The following SH3GL2 variants were observed in gnomAD, a reference collection of about 807,000 sequenced individuals.
The protein encoded by SH3GL2 is endophilin-A1.
Under a neutral mutation model 46.0 loss-of-function variants are expected in SH3GL2, and 24 were observed. That is an observed-to-expected ratio of 0.52 (90% CI 0.38 to 0.73). The LOEUF (loss-of-function observed/expected upper bound fraction) is 0.73. SH3GL2 is among the 30% of genes least tolerant of loss of function. SH3GL2 has a pLI of 0.00. For missense variants in SH3GL2, 413 were observed against 424.2 expected, an observed-to-expected ratio of 0.97 and a Z score of 0.23; for synonymous variants, 196 against 147.1, an observed-to-expected ratio of 1.33 and a Z score of -2.40.
At chr9:17,681,545 A>T (rs148082378) in intron 1 of SH3GL2, among the ~76,000 whole-genome samples, 208 of 152,314 alleles carry the variant, frequency 1.4e-3, no homozygotes, top group African/African-American at 4.7e-3. Context: ...CTTATACAAA[A>T]GTTAACTCAA....
chr9:17,786,133 A>G (rs1315674797), intron 3 of SH3GL2, among the ~76,000 whole-genome samples: 1 of 152,144 alleles, frequency 6.6e-6, no homozygotes, highest in African/African-American at 2.4e-5. Context: ...TGAGCGTGTA[A>G]TCCTGCTTCA....
At chr9:17,788,627 G>C (rs907133102) in intron 5 of SH3GL2, among the ~76,000 whole-genome samples, 7 of 152,260 alleles carry the variant, frequency 4.6e-5, no homozygotes, top group African/African-American at 1.7e-4. Context: ...GATGGGTGGA[G>C]CCTGGGCAGC....
At chr9:17,785,719 A>C (rs529977605) in intron 3 of SH3GL2, among the ~76,000 whole-genome samples, 1 of 148,962 alleles carries the variant, frequency 6.7e-6, no homozygotes, top group South Asian at 2.1e-4. Flanking sequence ...AAAAACAAAG[A>C]AAGAGAAATT....
At chr9:17,716,899 T>C (rs1445824413) in intron 1 of SH3GL2, among the ~76,000 whole-genome samples, 2 of 152,142 alleles carry the variant, frequency 1.3e-5, no homozygotes, top group African/African-American at 4.8e-5. Context: ...TTCTTGACAC[T>C]CATTCTTAAA....
chr9:17,666,012 A>G (rs769860608), intron 1 of SH3GL2, among the ~76,000 whole-genome samples: 1 of 151,346 alleles, frequency 6.6e-6, no homozygotes, highest in East Asian at 1.9e-4. Context: ...CCTAAGAAAC[A>G]TGGCTTTATT....
chr9:17,588,589 G>A (rs377057021), intron 1 of SH3GL2, among the ~76,000 whole-genome samples: 5 of 152,080 alleles, frequency 3.3e-5, no homozygotes, highest in African/African-American at 7.2e-5. Context: ...CAGCTCTTTG[G>A]TGACCATCAG....
At chr9:17,755,263 G>T (rs1387204461) in intron 2 of SH3GL2, among the ~76,000 whole-genome samples, 1 of 151,994 alleles carries the variant, frequency 6.6e-6, no homozygotes, top group Non-Finnish European at 1.5e-5. Flanking sequence ...TTCTTCTTTA[G>T]TTCTGTTTAT....
chr9:17,651,540 A>G (rs1819959894), intron 1 of SH3GL2, among the ~76,000 whole-genome samples: 1 of 152,052 alleles, frequency 6.6e-6, no homozygotes, highest in Non-Finnish European at 1.5e-5. Flanking sequence ...TATTGGTTTT[A>G]TATTTGACAG....
At chr9:17,650,219 T>G (rs1288891435) in intron 1 of SH3GL2, among the ~76,000 whole-genome samples, 1 of 152,212 alleles carries the variant, frequency 6.6e-6, no homozygotes, top group Non-Finnish European at 1.5e-5. Flanking sequence ...ATGTGAGTAT[T>G]GTCAGGATTT....
rs1818223420 is a variant in SH3GL2, at chr9:17,579,169, G to A, written c.-74G>A. 5 of 1,142,564 alleles carry A rather than the reference G, an allele frequency of 4.4e-6. No homozygotes were observed. Among genetic ancestry groups the A allele is most frequent in the Admixed American group, 2.8e-5 (1 of 35,964 alleles). The allele number at this position is 1,142,564 out of a possible 1,614,324, so 70.8% of individuals were successfully genotyped here. A position where few individuals can be genotyped will look rare whatever the true frequency, so the allele number is the denominator to read the frequency against. ...CCAGAGGCGGCCAGGGGAGCGCGCCGCCCCGCTCGGCCCTCCAGTCCCCCT... is the reference window on the plus strand; with the variant it reads ...CCAGAGGCGGCCAGGGGAGCGCGCCACCCCGCTCGGCCCTCCAGTCCCCCT... On this transcript the variant is annotated 5_prime_UTR_variant, in exon 1 of 9. Transcript: ENST00000380607.
intron 3 of SH3GL2, among the ~76,000 whole-genome samples, chr9:17,767,764 A>T (rs760381690): frequency 3.3e-5 from 5 of 152,194 alleles, no homozygotes; most frequent in Non-Finnish European, 5.9e-5. Flanking sequence ...AAAATGCATA[A>T]AGGACAGATT....
chr9:17,756,357 G>A (rs1239237347), intron 2 of SH3GL2, among the ~76,000 whole-genome samples: 1 of 151,660 alleles, frequency 6.6e-6, no homozygotes, highest in Non-Finnish European at 1.5e-5. Context: ...TCTAGAGTAT[G>A]TGTACATGTG....
chr9:17,746,453 C>T (rs1215381672), intron 1 of SH3GL2, among the ~76,000 whole-genome samples: 1 of 152,144 alleles, frequency 6.6e-6, no homozygotes, highest in African/African-American at 2.4e-5. Flanking sequence ...TAAAATGTAT[C>T]ATAATGGAAA....
chr9:17,654,560 G>C (rs1820026860), intron 1 of SH3GL2, among the ~76,000 whole-genome samples: 1 of 152,036 alleles, frequency 6.6e-6, no homozygotes, highest in South Asian at 2.1e-4. Context: ...CGTAGATTAG[G>C]GCTTGGAATG....
intron 1 of SH3GL2, among the ~76,000 whole-genome samples, chr9:17,729,685 C>A (rs1822119540): frequency 6.6e-6 from 1 of 152,128 alleles, no homozygotes; most frequent in African/African-American, 2.4e-5. Context: ...ATATGGGTAG[C>A]CAGTTTTCCC....
intron 1 of SH3GL2, chr9:17,735,613 AG>A (rs1822311877): frequency 1.2e-5 from 2 of 167,858 alleles, no homozygotes; most frequent in South Asian, 3.9e-4. Flanking sequence ...TGGGTTCTAC[AG>A]GGCCAACTGA....
At chr9:17,625,997 T>G (rs544368557) in intron 1 of SH3GL2, among the ~76,000 whole-genome samples, 36 of 152,342 alleles carry the variant, frequency 2.4e-4, no homozygotes, top group African/African-American at 8.7e-4. Flanking sequence ...TGTTTTCTTC[T>G]CCTTGTCCTT....
chr9:17,793,269 G>A lies in SH3GL2; in HGVS notation c.729-98G>A, dbSNP rs989617662. 33 of 1,054,504 alleles carry A rather than the reference G, an allele frequency of 3.1e-5. No homozygotes were observed. In the Admixed American group the frequency reaches 6.6e-4, roughly 21 times the overall value. The allele number at this position is 1,054,504 out of a possible 1,614,324, so 65.3% of individuals were successfully genotyped here. A position where few individuals can be genotyped will look rare whatever the true frequency, so the allele number is the denominator to read the frequency against. On this transcript the variant is annotated intron_variant, in intron 7 of 8. Transcript: ENST00000380607. The stretch of plus-strand genomic sequence containing the variant: ...TCCCACACTTCATCATGGTAGCATG[G>A]TGGGTGACCCAAGCATTTCCTGAAT...
rs78632596 is a variant in SH3GL2 at position 17,580,008 on chromosome 9, T to C, written c.45+721T>C. 3.0e-3 allele frequency among the ~76,000 whole-genome samples: 452 copies of C among 152,334 alleles called. 7 individuals carry two copies. The highest frequency in any genetic ancestry group is 0.026 in the Admixed American group (393 of 15,302). The stretch of plus-strand genomic sequence containing the variant: ...TTTTAAATTGTTTTTAATAAATCTT[T>C]GGCATCTTGGATGTGCCCATTTTTC... On this transcript the variant is annotated intron_variant, in intron 1 of 8. Transcript: ENST00000380607.
Sources: allele counts gnomAD v4.1 joint callset (sites outside exome capture counted in the v4.1 genomes callset), GRCh38; gene constraint gnomAD v4.1.1; transcripts MANE v1.5; gene names NCBI Gene and HGNC (gene_info 2026-07-23, HGNC 2026-07-21).